Variants in THSD4 observed in about 807,000 individuals in gnomAD.
THSD4 encodes the protein thrombospondin type-1 domain-containing protein 4.
A neutral mutation model predicts 119.0 loss-of-function variants in THSD4; 69 were observed. That is an observed-to-expected ratio of 0.58 (90% confidence interval 0.48 to 0.71). THSD4 has a LOEUF of 0.71. Ranked by LOEUF, THSD4 falls within the 30% of genes least tolerant of loss-of-function variation. THSD4 has a pLI of 0.00. For synonymous variants in THSD4, 524 were observed against 540.4 expected, an observed-to-expected ratio of 0.97 and a Z score of 0.42; for missense variants, 1,393 against 1,391.1, an observed-to-expected ratio of 1.00 and a Z score of -0.02.
At chr15:71,232,862 T>C (rs1404428319) in intron 4 of THSD4, among the ~76,000 whole-genome samples, 5 of 152,144 alleles carry the variant, frequency 3.3e-5, no homozygotes, top group African/African-American at 1.2e-4. Context: ...GGGCTGTGCA[T>C]AGAAAGACAA....
chr15:71,288,657 A>G (rs942764546), intron 6 of THSD4, among the ~76,000 whole-genome samples: 4 of 152,186 alleles, frequency 2.6e-5, no homozygotes, highest in Admixed American at 2.0e-4. Flanking sequence ...AACAATCAAC[A>G]CAGTGATTAC....
intron 7 of THSD4, among the ~76,000 whole-genome samples, chr15:71,571,182 G>A (rs2049347420): frequency 6.6e-6 from 1 of 151,854 alleles, no homozygotes; most frequent in African/African-American, 2.4e-5. Flanking sequence ...AGCACCAGAA[G>A]TTGGAACTAG....
intron 7 of THSD4, among the ~76,000 whole-genome samples, chr15:71,561,885 C>A (rs1448574488): frequency 8.6e-4 from 28 of 32,594 alleles, no homozygotes; most frequent in African/African-American, 2.3e-3. Flanking sequence ...CACACACACA[C>A]ACACACACAC....
At chr15:71,277,618 A>G (rs1024496149) in intron 6 of THSD4, among the ~76,000 whole-genome samples, 1 of 152,130 alleles carries the variant, frequency 6.6e-6, no homozygotes. Context: ...ATATGTAGGG[A>G]TATATTTTTC....
intron 6 of THSD4, among the ~76,000 whole-genome samples, chr15:71,309,026 T>G (rs2045074235): frequency 6.6e-6 from 1 of 152,198 alleles, no homozygotes; most frequent in Admixed American, 6.5e-5. Context: ...CTCGGCTCAC[T>G]GCAACTTCCG....
chr15:71,252,088 C>T (rs2044265678), intron 5 of THSD4, among the ~76,000 whole-genome samples: 2 of 152,196 alleles, frequency 1.3e-5, no homozygotes. Context: ...CTTTGTTGGT[C>T]TCATCCTGAA....
intron 7 of THSD4, among the ~76,000 whole-genome samples, chr15:71,459,561 G>A (rs1455967482): frequency 1.3e-5 from 2 of 152,096 alleles, no homozygotes; most frequent in Non-Finnish European, 2.9e-5. Flanking sequence ...TGTATCTCTT[G>A]CATAAAGTAG....
At chr15:71,193,811 C>G (rs1596261124) in intron 3 of THSD4, among the ~76,000 whole-genome samples, 1 of 152,072 alleles carries the variant, frequency 6.6e-6, no homozygotes, top group Non-Finnish European at 1.5e-5. Context: ...GGGTTCACAC[C>G]ATTCTCCTGC....
At chr15:71,360,801 G>A (rs1457303719) in intron 6 of THSD4, among the ~76,000 whole-genome samples, 1 of 152,232 alleles carries the variant, frequency 6.6e-6, no homozygotes, top group Admixed American at 6.5e-5. Flanking sequence ...AGGTCAGTCA[G>A]CACTGAAGGT....
intron 10 of THSD4, among the ~76,000 whole-genome samples, chr15:71,736,660 C>T (rs1040939191): frequency 6.6e-6 from 1 of 151,890 alleles, no homozygotes; most frequent in Admixed American, 6.6e-5. Context: ...TTGCTCTCTG[C>T]CACTGTCTCT....
intron 7 of THSD4, among the ~76,000 whole-genome samples, chr15:71,514,875 A>G (rs970232586): frequency 2.0e-5 from 3 of 152,216 alleles, no homozygotes; most frequent in Non-Finnish European, 4.4e-5. Context: ...TATTGGATAC[A>G]TAACATCCTA....
chr15:71,336,344 C>G (rs1596345737), intron 6 of THSD4, among the ~76,000 whole-genome samples: 2 of 152,270 alleles, frequency 1.3e-5, no homozygotes, highest in East Asian at 1.9e-4. Flanking sequence ...ATCTGAAATT[C>G]AGTTGTCATT....
At chr15:71,573,244 C>T (rs955905710) in intron 7 of THSD4, among the ~76,000 whole-genome samples, 1 of 152,086 alleles carries the variant, frequency 6.6e-6, no homozygotes, top group East Asian at 1.9e-4. Context: ...CAGTAGGTGC[C>T]CAGTATTTAT....
intron 8 of THSD4, 138 bp from the exon 9 acceptor site, chr15:71,728,411 G>T (rs1002758877): frequency 1.9e-6 from 2 of 1,040,048 alleles, no homozygotes; most frequent in Non-Finnish European, 2.8e-6. Flanking sequence ...GCGCCCCAGG[G>T]CCTGGATCAT....
intron 3 of THSD4, among the ~76,000 whole-genome samples, chr15:71,203,399 A>G (rs1182205916): frequency 1.3e-5 from 2 of 152,164 alleles, no homozygotes; most frequent in Non-Finnish European, 2.9e-5. Flanking sequence ...TCATGCCTGT[A>G]ATCTCAGCAC....
intron 15 of THSD4, among the ~76,000 whole-genome samples, chr15:71,762,150 AACACAC>A (rs72267245): frequency 0.17 from 19,349 of 112,260 alleles, 2,460 homozygotes; most frequent in African/African-American, 0.34. Flanking sequence ...CGCGTGTGCA[AACACAC>A]ACACACACAC....
rs969353737 is a variant in THSD4 at position 71,615,865 on chromosome 15, G to A, written c.1153-44665G>A. On this transcript the variant is annotated intron_variant, in intron 7 of 17. Transcript: ENST00000261862. ...GGTTGAGCCCAGCACCCCAGGGAAC[G>A]ATGCCTCTTTAGTGTGGATGAATAT... Among the ~76,000 whole-genome samples the A allele has an allele frequency of 1.3e-4, 20 of 152,270 alleles. No individual in the cohort carries two copies. The East Asian group carries it at 3.3e-3, about 25-fold the overall frequency.
chr15:71,659,807 G>GGAA (rs1481349394), intron 7 of THSD4, among the ~76,000 whole-genome samples: 1 of 152,178 alleles, frequency 6.6e-6, no homozygotes, highest in Non-Finnish European at 1.5e-5. Flanking sequence ...ATGAGTAATG[G>GGAA]GAAGATTCCT....
intron 7 of THSD4, among the ~76,000 whole-genome samples, chr15:71,494,402 G>A (rs1361657981): frequency 2.0e-5 from 3 of 152,228 alleles, no homozygotes; most frequent in Admixed American, 6.5e-5. Flanking sequence ...GTCAGCCTCT[G>A]TGTCTCAACA....
Sources: gnomAD v4.1 joint callset for allele counts (sites outside exome capture counted in the v4.1 genomes callset) on GRCh38, gnomAD v4.1.1 for gene constraint, MANE v1.5 for transcripts, NCBI Gene and HGNC (gene_info 2026-07-23, HGNC 2026-07-21) for gene names.